The following INSL6 variants were observed in gnomAD, a reference collection of about 807,000 sequenced individuals.
The protein encoded by INSL6 is insulin-like peptide INSL6.
A neutral mutation model predicts 9.4 loss-of-function variants in INSL6; 16 were observed. The observed-to-expected ratio is 1.70, with a 90% confidence interval of 1.15 to 2.59. INSL6 has a LOEUF of 2.59. Ranked by LOEUF, INSL6 falls within the 30% of genes most tolerant of loss-of-function variation. The pLI, the probability that INSL6 is intolerant of heterozygous loss-of-function variation, is 0.00. For missense variants in INSL6, 391 were observed against 257.3 expected (o/e 1.52, Z -3.56); for synonymous variants, 154 against 96.9 (o/e 1.59, Z -3.46).
At chr9:5,009,212 A>G in the INSL6 span, among the ~76,000 whole-genome samples, 2 of 149,308 alleles carry the variant, frequency 1.3e-5, no homozygotes, top group Admixed American at 6.6e-5. Context: ...AGCAGGTGTT[A>G]AACACCTGTG....
downstream of INSL6, among the ~76,000 whole-genome samples, chr9:5,158,907 T>TA (rs778385616): frequency 1.9e-4 from 29 of 152,110 alleles, no homozygotes; most frequent in African/African-American, 3.9e-4. Flanking sequence ...AGATGAAAGA[T>TA]AAAATCATCA....
chr9:5,085,492 T>C, the INSL6 span: 1 of 722,674 alleles, frequency 1.4e-6, no homozygotes, highest in African/African-American at 1.7e-5. Context: ...CTCATTTTCT[T>C]TTGACCCGAG....
chr9:5,079,277 AATCT>A, the INSL6 span, among the ~76,000 whole-genome samples: 11,263 of 152,044 alleles, frequency 0.074, 1,242 homozygotes, highest in African/African-American at 0.25. Flanking sequence ...TTTGTCAATC[AATCT>A]ATTTGTCTGT....
downstream of INSL6, among the ~76,000 whole-genome samples, chr9:5,161,077 T>C (rs373311048): frequency 4.2e-3 from 632 of 152,192 alleles, 3 homozygotes; most frequent in African/African-American, 0.015. Context: ...ACTTCCAAAC[T>C]CATTCTATGA....
the INSL6 span, among the ~76,000 whole-genome samples, chr9:5,035,582 T>G: frequency 1.3e-5 from 2 of 152,236 alleles, no homozygotes; most frequent in African/African-American, 4.8e-5. Context: ...GTTCAACATA[T>G]GCAAATCAAT....
intron 1 of INSL6, among the ~76,000 whole-genome samples, chr9:5,165,769 G>T (rs1371144781): frequency 6.6e-6 from 1 of 152,142 alleles, no homozygotes; most frequent in Admixed American, 6.5e-5. Flanking sequence ...CTGGATACTG[G>T]AAACCAAAAT....
chr9:5,109,085 A>C, the INSL6 span: 1 of 152,136 alleles, frequency 6.6e-6, no homozygotes, highest in Admixed American at 6.5e-5. Flanking sequence ...TCTCCTGATC[A>C]AACATCACTA....
the INSL6 span, among the ~76,000 whole-genome samples, chr9:5,113,191 CTTTTTTTTTTTT>C: frequency 1.0e-4 from 6 of 57,192 alleles, no homozygotes; most frequent in Middle Eastern, 0.014. Context: ...CTGGCAGGAG[CTTTTTTTTTTTT>C]TTTTTTTTTT....
chr9:5,086,144 C>G, the INSL6 span: 2 of 387,970 alleles, frequency 5.2e-6, no homozygotes, highest in Non-Finnish European at 8.6e-6. Flanking sequence ...GGCGGCCCCG[C>G]AAGGCTCGGG....
chr9:5,034,081 G>T, the INSL6 span, among the ~76,000 whole-genome samples: 1 of 152,086 alleles, frequency 6.6e-6, no homozygotes, highest in African/African-American at 2.4e-5. Context: ...AAAAGGCAGG[G>T]ATTGCAATCC....
chr9:5,041,204 G>C, the INSL6 span: 1 of 1,457,524 alleles, frequency 6.9e-7, no homozygotes, highest in Non-Finnish European at 9.5e-7. Context: ...CGTGAAGCCC[G>C]AGAACTTCCT....
At chr9:5,111,368 C>T in the INSL6 span, 1 of 405,592 alleles carries the variant, frequency 2.5e-6, no homozygotes, top group Non-Finnish European at 4.8e-6. Flanking sequence ...ACCCCTCCTA[C>T]GCCAGCAGCT....
At chr9:5,142,612 TG>T (rs1207711563) in intron 2 of INSL6, among the ~76,000 whole-genome samples, 1 of 152,218 alleles carries the variant, frequency 6.6e-6, no homozygotes, top group African/African-American at 2.4e-5. Context: ...GCTGAGACTA[TG>T]GGGTTTTCCA....
chr9:5,039,293 AGTT>A, the INSL6 span, among the ~76,000 whole-genome samples: 1 of 152,132 alleles, frequency 6.6e-6, no homozygotes, highest in Non-Finnish European at 1.5e-5. Context: ...TTGGAAAAAA[AGTT>A]GTGCTTACAC....
At chr9:5,076,668 G>T in the INSL6 span, among the ~76,000 whole-genome samples, 1 of 151,972 alleles carries the variant, frequency 6.6e-6, no homozygotes, top group African/African-American at 2.4e-5. Flanking sequence ...TAATATCTTC[G>T]AGGTATGCCT....
the INSL6 span, chr9:5,111,715 C>T: frequency 1.2e-5 from 5 of 433,422 alleles, no homozygotes; most frequent in South Asian, 8.5e-5. Flanking sequence ...GCGGCCTGCA[C>T]CAGCACGAGC....
chr9:4,992,026 G>A, the INSL6 span, among the ~76,000 whole-genome samples: 2 of 152,184 alleles, frequency 1.3e-5, no homozygotes, highest in African/African-American at 4.8e-5. Context: ...CCATGGGTCA[G>A]TAATTGAGAC....
At chr9:5,080,892 CTTTTTTT>C in the INSL6 span, among the ~76,000 whole-genome samples, 29 of 95,588 alleles carry the variant, frequency 3.0e-4, no homozygotes, top group Middle Eastern at 0.012. Flanking sequence ...AAGACCTTTT[CTTTTTTT>C]TTTTTTTTTT....
chr9:4,993,323 C>G, the INSL6 span, among the ~76,000 whole-genome samples: 1 of 152,206 alleles, frequency 6.6e-6, no homozygotes, highest in East Asian at 1.9e-4. Context: ...TAGATTGGAT[C>G]TTTGCTCTGA....
Sources: gnomAD v4.1 joint callset for allele counts (sites outside exome capture counted in the v4.1 genomes callset) on GRCh38, gnomAD v4.1.1 for gene constraint, MANE v1.5 for transcripts, NCBI Gene and HGNC (gene_info 2026-07-23, HGNC 2026-07-21) for gene names.